The following DPP6 variants were observed in gnomAD, a reference collection of about 807,000 sequenced individuals.
DPP6 encodes the protein A-type potassium channel modulatory protein DPP6.
DPP6 carries 69 observed loss-of-function variants against 122.6 expected under a neutral mutation model. The ratio of observed to expected loss-of-function variants is 0.56; its 90% CI spans 0.46 to 0.69. DPP6 has a LOEUF of 0.69. DPP6 is among the 30% of genes least tolerant of loss of function. DPP6 has a pLI of 0.00. For synonymous variants in DPP6, 418 were observed against 433.1 expected, an observed-to-expected ratio of 0.97 and a Z score of 0.43; for missense variants, 928 against 1,116.9, an observed-to-expected ratio of 0.83 and a Z score of 2.41.
chr7:154,420,091 C>A (rs189403519), intron 1 of DPP6, among the ~76,000 whole-genome samples: 6 of 152,312 alleles, frequency 3.9e-5, no homozygotes, highest in Non-Finnish European at 5.9e-5. Flanking sequence ...AATCCCAACA[C>A]TTTGGGAGGC....
chr7:154,529,977 T>A (rs995181331), intron 3 of DPP6, among the ~76,000 whole-genome samples: 1 of 151,738 alleles, frequency 6.6e-6, no homozygotes, highest in Non-Finnish European at 1.5e-5. Context: ...AATATGAAAA[T>A]TAGCTGGGCG....
intron 1 of DPP6, among the ~76,000 whole-genome samples, chr7:153,887,923 C>T (rs559258623): frequency 8.6e-4 from 131 of 151,738 alleles, no homozygotes; most frequent in African/African-American, 3.0e-3. Context: ...GAGGAGCAGG[C>T]ATTTCTTTGC....
At chr7:153,976,834 T>G (rs1331531150) in intron 1 of DPP6, among the ~76,000 whole-genome samples, 2 of 152,216 alleles carry the variant, frequency 1.3e-5, no homozygotes, top group East Asian at 1.9e-4. Context: ...TCCTAAGCAT[T>G]CTGAAGAGAT....
intron 7 of DPP6, among the ~76,000 whole-genome samples, chr7:154,697,926 C>T (rs1840308557): frequency 6.6e-6 from 1 of 152,108 alleles, no homozygotes; most frequent in Admixed American, 6.5e-5. Flanking sequence ...ATTTTATCAC[C>T]AATTCCCAGT....
chr7:154,704,717 A>G (rs6597412), intron 7 of DPP6, among the ~76,000 whole-genome samples: 151,211 of 152,336 alleles, frequency 0.99, 75,054 homozygotes, highest in East Asian at 1. Flanking sequence ...AATAACTCAC[A>G]TACATTTTTA....
intron 1 of DPP6, among the ~76,000 whole-genome samples, chr7:153,967,388 GAA>G (rs1795801424): frequency 6.6e-6 from 1 of 152,124 alleles, no homozygotes; most frequent in Non-Finnish European, 1.5e-5. Flanking sequence ...AGCCACTGTG[GAA>G]AAGAGGCCGG....
rs545647906 is a variant in DPP6 at position 153,948,961 on chromosome 7, CTT to C, written c.51+61229_51+61230del. Among the ~76,000 whole-genome samples the C allele has an allele frequency of 1.2e-3, 176 of 152,168 alleles. 2 individuals carry two copies. The highest frequency in any genetic ancestry group is 9.6e-3 in the Admixed American group (146 of 15,268). Reference sequence around the variant, plus strand: ...AAACAAAAGACGTGTGGTCTCTACTCTTTAAAAGCTCACAGTTAATTTTGCTG... The same window carrying C: ...AAACAAAAGACGTGTGGTCTCTACTCTAAAAGCTCACAGTTAATTTTGCTG... On this transcript the variant is annotated intron_variant, in intron 1 of 25. Coordinates refer to the DPP6 transcript ENST00000404039.
intron 3 of DPP6, among the ~76,000 whole-genome samples, chr7:154,539,462 T>C (rs1563823501): frequency 6.6e-6 from 1 of 152,056 alleles, no homozygotes; most frequent in Non-Finnish European, 1.5e-5. Context: ...AAGGGGAACA[T>C]CACACACCAG....
chr7:153,978,709 T>G (rs1453613861), intron 1 of DPP6, among the ~76,000 whole-genome samples: 3 of 151,968 alleles, frequency 2.0e-5, no homozygotes, highest in Non-Finnish European at 4.4e-5. Context: ...ATCTTTATCT[T>G]AAGTTAATTT....
At position 154,679,910 on chromosome 7, in the gene DPP6, A is replaced by G. The variant is rs144309030; in HGVS notation, c.762+10469A>G. Among the ~76,000 whole-genome samples, 318 of 152,318 alleles carry G rather than the reference A, an allele frequency of 2.1e-3. 2 individuals carry two copies. The highest frequency in any genetic ancestry group is 7.2e-3 in the African/African-American group (298 of 41,562). ...AAAGGGACCCTTCAAATGTAACACA[A>G]TATGTTATCACTTCCTGGCTCTGTG... On this transcript the variant is annotated intron_variant, in intron 7 of 25. Transcript: ENST00000377770.
chr7:154,341,012 A>G (rs903495784), intron 1 of DPP6, among the ~76,000 whole-genome samples: 6 of 152,334 alleles, frequency 3.9e-5, no homozygotes, highest in East Asian at 1.9e-4. Flanking sequence ...TTGAATTATT[A>G]TAACATAAAC....
intron 1 of DPP6, among the ~76,000 whole-genome samples, chr7:154,013,426 T>C (rs2129049452): frequency 6.6e-6 from 1 of 151,708 alleles, no homozygotes; most frequent in South Asian, 2.1e-4. Context: ...TAGTCCAGTG[T>C]GTATTCCTCA....
intron 1 of DPP6, among the ~76,000 whole-genome samples, chr7:154,249,611 G>C (rs1382093858): frequency 6.6e-6 from 1 of 152,186 alleles, no homozygotes; most frequent in Non-Finnish European, 1.5e-5. Flanking sequence ...TGTCTTGGCA[G>C]TGGGGAGGAG....
chr7:154,728,971 A>G (rs1047565668), intron 8 of DPP6, among the ~76,000 whole-genome samples: 4 of 152,292 alleles, frequency 2.6e-5, no homozygotes, highest in African/African-American at 9.6e-5. Context: ...TTGGGTTTCA[A>G]TATATGAATT....
In DPP6 at chr7:154,502,654, A is replaced by T. The variant is rs62475133; in HGVS notation, c.457+27617A>T. ...GTCCAATAAACCACCTACTTTTTAA[A>T]ATTGCCCAGTCTCGAGTATGTCTTT... On this transcript the variant is annotated intron_variant, in intron 3 of 25. Transcript: ENST00000377770. Among the ~76,000 whole-genome samples, 456 of 152,246 alleles carry T rather than the reference A, an allele frequency of 3.0e-3. 1 individual carries two copies. The highest frequency in any genetic ancestry group is 8.5e-3 in the South Asian group (41 of 4,820).
chr7:154,331,574 C>T (rs1278238744), intron 1 of DPP6, among the ~76,000 whole-genome samples: 1 of 152,142 alleles, frequency 6.6e-6, no homozygotes, highest in East Asian at 1.9e-4. Context: ...GAGGGGGTTG[C>T]TGTTGGATCA....
At chr7:154,358,973 T>G (rs1811502033) in intron 1 of DPP6, among the ~76,000 whole-genome samples, 1 of 152,232 alleles carries the variant, frequency 6.6e-6, no homozygotes, top group Non-Finnish European at 1.5e-5. Flanking sequence ...CCCAAAGTGC[T>G]GGGATTACAG....
chr7:154,839,763 A>G (rs1284034911), intron 16 of DPP6, among the ~76,000 whole-genome samples: 3 of 152,118 alleles, frequency 2.0e-5, no homozygotes, highest in Non-Finnish European at 4.4e-5. Context: ...CACAGCCCCC[A>G]CGCAGGAACG....
intron 1 of DPP6, among the ~76,000 whole-genome samples, chr7:154,089,108 A>G (rs1804631385): frequency 1.3e-5 from 2 of 152,212 alleles, no homozygotes; most frequent in South Asian, 2.1e-4. Flanking sequence ...TTCAGAATCT[A>G]TGTCACAGAA....
Sources: gnomAD v4.1 joint callset for allele counts (sites outside exome capture counted in the v4.1 genomes callset) on GRCh38, gnomAD v4.1.1 for gene constraint, MANE v1.5 for transcripts, NCBI Gene and HGNC (gene_info 2026-07-23, HGNC 2026-07-21) for gene names.